The following NAA15 variants were observed in gnomAD, a reference collection of about 807,000 sequenced individuals.
NAA15 encodes the protein N-terminal acetyltransferase.
Under a neutral mutation model 114.0 loss-of-function variants are expected in NAA15, and 34 were observed. That is an observed-to-expected ratio of 0.30 (90% confidence interval 0.23 to 0.40). The LOEUF (loss-of-function observed/expected upper bound fraction) is 0.40, where lower values mean the gene tolerates loss of function less well. Among genes scored for constraint, NAA15 ranks in the 10% least tolerant of loss-of-function variants. NAA15 has a pLI of 1.00. For synonymous variants in NAA15, 340 were observed against 338.0 expected (o/e 1.01, Z -0.06); for missense variants, 658 against 1,004.5 (o/e 0.66, Z 4.66).
intron 9 of NAA15, among the ~76,000 whole-genome samples, chr4:139,353,322 T>TA (rs1161214576): frequency 6.6e-6 from 1 of 152,244 alleles, no homozygotes; most frequent in Non-Finnish European, 1.5e-5. Flanking sequence ...CTGCAATCTT[T>TA]AGTCCTCACA....
At chr4:139,303,748 T>G (rs1745895928) in intron 1 of NAA15, among the ~76,000 whole-genome samples, 1 of 152,172 alleles carries the variant, frequency 6.6e-6, no homozygotes, top group Non-Finnish European at 1.5e-5. Flanking sequence ...AGTTCCAGCC[T>G]TGGCAACAGA....
At position 139,301,610 on chromosome 4, in the gene NAA15, G is replaced by C. The variant is rs1044289297; in HGVS notation, c.-168G>C. ...GTGAGAAAGGAAAAAAGACAACGAG[G>C]AAAAAGGAGGTGTCCGGGTAGGGCA... is the stretch of plus-strand genomic sequence containing the variant. On this transcript the variant is annotated 5_prime_UTR_variant, in exon 1 of 20. Transcript: ENST00000296543. The C allele has an allele frequency of 2.2e-5, 15 of 683,962 alleles. No homozygotes were observed. The highest frequency in any genetic ancestry group is 3.9e-4 in the Middle Eastern group (1 of 2,570). 42.4% of individuals were successfully genotyped at this position (683,962 alleles called of 1,614,324 possible). A position where few individuals can be genotyped will look rare whatever the true frequency, so the allele number is the denominator to read the frequency against.
At chr4:139,303,162 AGT>A (rs1745870419) in intron 1 of NAA15, among the ~76,000 whole-genome samples, 1 of 152,258 alleles carries the variant, frequency 6.6e-6, no homozygotes, top group Admixed American at 6.5e-5. Flanking sequence ...AGTCACATGC[AGT>A]GTCGCAAAAC....
intron 6 of NAA15, among the ~76,000 whole-genome samples, chr4:139,348,102 A>G (rs905259068): frequency 1.3e-5 from 2 of 152,034 alleles, no homozygotes; most frequent in Non-Finnish European, 2.9e-5. Flanking sequence ...TGAAAGTAAT[A>G]GTAATCTATC....
At chr4:139,310,182 C>T (rs1325565920) in intron 1 of NAA15, among the ~76,000 whole-genome samples, 3 of 152,082 alleles carry the variant, frequency 2.0e-5, no homozygotes, top group South Asian at 4.1e-4. Context: ...GGGCCGGGCG[C>T]GGTGGCTCAC....
chr4:139,388,132 A>G lies in NAA15; in HGVS notation c.*48A>G, dbSNP rs1748959586. 1.3e-6 allele frequency: 2 copies of G among 1,546,654 alleles called. No individual in the cohort carries two copies. Among genetic ancestry groups the G allele is most frequent in the Non-Finnish European group, 1.8e-6 (2 of 1,128,814 alleles). ...AATGACTTTGGACCATATCTAGTAT[A>G]TAATATTTTTGTCACGCACCTGCTG... is the stretch of plus-strand genomic sequence containing the variant. On this transcript the variant is annotated 3_prime_UTR_variant, in exon 20 of 20. Transcript: ENST00000296543.
chr4:139,303,421 TA>T (rs1745881804), intron 1 of NAA15, among the ~76,000 whole-genome samples: 1 of 152,240 alleles, frequency 6.6e-6, no homozygotes, highest in Non-Finnish European at 1.5e-5. Flanking sequence ...AACCTTTACT[TA>T]TATTTATTTG....
At chr4:139,332,954 C>G (rs1254625530) in intron 1 of NAA15, among the ~76,000 whole-genome samples, 1 of 152,050 alleles carries the variant, frequency 6.6e-6, no homozygotes, top group Admixed American at 6.6e-5. Context: ...CCTTGGGTAC[C>G]AAAATCCAGG....
chr4:139,329,433 C>G (rs1220352700), intron 1 of NAA15, among the ~76,000 whole-genome samples: 1 of 152,060 alleles, frequency 6.6e-6, no homozygotes, highest in African/African-American at 2.4e-5. Flanking sequence ...CTAAATTTAA[C>G]TGTCTTTAAA....
intron 1 of NAA15, among the ~76,000 whole-genome samples, chr4:139,324,276 G>A (rs1442036620): frequency 6.6e-6 from 1 of 152,200 alleles, no homozygotes; most frequent in East Asian, 1.9e-4. Flanking sequence ...ACAATAGCCT[G>A]CATTATTCTT....
At chr4:139,360,755 T>G in intron 13 of NAA15, 127 bp downstream of exon 13, 1 of 795,802 alleles carries the variant, frequency 1.3e-6, no homozygotes, top group South Asian at 3.9e-5. Flanking sequence ...CAGTATTCAC[T>G]TTTTTCAGTT....
At chr4:139,369,234 A>G (rs1169865363) in intron 14 of NAA15, among the ~76,000 whole-genome samples, 1 of 152,246 alleles carries the variant, frequency 6.6e-6, no homozygotes, top group Non-Finnish European at 1.5e-5. Flanking sequence ...TTGTTTGGCC[A>G]GGTTAGAGAA....
At chr4:139,311,612 T>G (rs1393066506) in intron 1 of NAA15, among the ~76,000 whole-genome samples, 3 of 151,892 alleles carry the variant, frequency 2.0e-5, no homozygotes, top group African/African-American at 7.3e-5. Flanking sequence ...GGTTTTGGCA[T>G]TGGAGGAGAA....
At chr4:139,358,346 CCA>C (rs1748029920) in intron 11 of NAA15, among the ~76,000 whole-genome samples, 1 of 151,530 alleles carries the variant, frequency 6.6e-6, no homozygotes, top group Non-Finnish European at 1.5e-5. Flanking sequence ...TAGGCATGCA[CCA>C]CCATACCCAG....
intron 9 of NAA15, 40 bp from the exon 10 acceptor site, chr4:139,353,986 G>A (rs1024535469): frequency 1.5e-5 from 22 of 1,516,862 alleles, no homozygotes; most frequent in Non-Finnish European, 1.8e-5. Context: ...GTAAATGTGT[G>A]TTTTTTCTAT....
At chr4:139,373,870 T>C (rs1374847704) in intron 15 of NAA15, among the ~76,000 whole-genome samples, 2 of 151,960 alleles carry the variant, frequency 1.3e-5, no homozygotes, top group Non-Finnish European at 2.9e-5. Context: ...ACTATTTGTT[T>C]TGTTTTGTAT....
intron 1 of NAA15, among the ~76,000 whole-genome samples, chr4:139,306,368 A>G (rs1377409772): frequency 6.6e-6 from 1 of 151,212 alleles, no homozygotes; most frequent in Non-Finnish European, 1.5e-5. Context: ...AGCTGGGATT[A>G]CAGGCGCCTG....
chr4:139,371,129 C>T (rs1748423464), intron 15 of NAA15, among the ~76,000 whole-genome samples: 1 of 152,150 alleles, frequency 6.6e-6, no homozygotes, highest in South Asian at 2.1e-4. Flanking sequence ...ATATAGGAAG[C>T]AGTCGCCCCA....
intron 15 of NAA15, among the ~76,000 whole-genome samples, chr4:139,375,420 A>G (rs1436137289): frequency 2.0e-5 from 3 of 152,058 alleles, no homozygotes; most frequent in Non-Finnish European, 2.9e-5. Context: ...GACGTGGTGA[A>G]TCCCATAGAA....
Sources: gnomAD v4.1 joint callset for allele counts (sites outside exome capture counted in the v4.1 genomes callset) on GRCh38, gnomAD v4.1.1 for gene constraint, MANE v1.5 for transcripts, NCBI Gene and HGNC (gene_info 2026-07-23, HGNC 2026-07-21) for gene names.